PDE4D: variants seen among roughly 807,000 people sequenced by gnomAD.
The protein encoded by PDE4D is phosphodiesterase 4D.
PDE4D carries 24 observed loss-of-function variants against 87.4 expected under a neutral mutation model. That is an observed-to-expected ratio of 0.27 (90% confidence interval 0.20 to 0.39). The LOEUF (loss-of-function observed/expected upper bound fraction) is 0.39, where lower values mean the gene tolerates loss of function less well. Among genes scored for constraint, PDE4D ranks in the 10% least tolerant of loss-of-function variants. The pLI is 1.00. For synonymous variants in PDE4D, 384 were observed against 383.2 expected (o/e 1.00, Z -0.02); for missense variants, 714 against 1,041.0 (o/e 0.69, Z 4.32).
At chr5:59,428,335 T>C (rs1795619160) in intron 1 of PDE4D, among the ~76,000 whole-genome samples, 1 of 152,144 alleles carries the variant, frequency 6.6e-6, no homozygotes, top group Non-Finnish European at 1.5e-5. Context: ...TTATTTTTTG[T>C]CCCGCAATCT....
chr5:59,260,594 T>C (rs897003071), intron 1 of PDE4D, among the ~76,000 whole-genome samples: 3 of 151,856 alleles, frequency 2.0e-5, no homozygotes, highest in Admixed American at 2.0e-4. Flanking sequence ...ATTTAGACAA[T>C]TGTTTGACTA....
chr5:60,455,872 T>C (rs986995109), intron 1 of PDE4D, among the ~76,000 whole-genome samples: 2 of 152,148 alleles, frequency 1.3e-5, no homozygotes, highest in African/African-American at 4.8e-5. Flanking sequence ...TCGTAGTCAA[T>C]GTGTTGACTG....
intron 1 of PDE4D, among the ~76,000 whole-genome samples, chr5:59,238,132 C>T (rs1756879205): frequency 6.6e-6 from 1 of 152,152 alleles, no homozygotes; most frequent in East Asian, 1.9e-4. Flanking sequence ...GTTACTCACT[C>T]TCTCCATGCC....
intron 1 of PDE4D, chr5:59,216,874 C>T (rs551932358): frequency 7.4e-5 from 14 of 188,874 alleles, no homozygotes; most frequent in Non-Finnish European, 1.2e-4. Context: ...TCTACGCTCC[C>T]AAGACACTTT....
At chr5:59,767,708 G>A (rs771890668) in intron 1 of PDE4D, among the ~76,000 whole-genome samples, 3 of 152,072 alleles carry the variant, frequency 2.0e-5, no homozygotes, top group Non-Finnish European at 4.4e-5. Flanking sequence ...TCTTTCCTTT[G>A]GAAAGGCATG....
At chr5:60,213,054 A>G (rs1743432388) in intron 1 of PDE4D, among the ~76,000 whole-genome samples, 1 of 152,152 alleles carries the variant, frequency 6.6e-6, no homozygotes, top group Non-Finnish European at 1.5e-5. Context: ...CATGTCATCC[A>G]TCTTTTGTCT....
chr5:59,410,637 C>G (rs1792494495), intron 1 of PDE4D, among the ~76,000 whole-genome samples: 1 of 152,084 alleles, frequency 6.6e-6, no homozygotes, highest in Non-Finnish European at 1.5e-5. Flanking sequence ...ATAATGTCTT[C>G]CAGTTCCAAC....
At chr5:60,100,169 A>C (rs746322412) in intron 2 of PDE4D, among the ~76,000 whole-genome samples, 6 of 152,052 alleles carry the variant, frequency 3.9e-5, no homozygotes, top group Non-Finnish European at 8.8e-5. Context: ...TGAGAAAGGA[A>C]GGAAATTGAT....
chr5:60,081,425 C>A (rs566805141), intron 2 of PDE4D, among the ~76,000 whole-genome samples: 1 of 150,268 alleles, frequency 6.7e-6, no homozygotes, highest in Non-Finnish European at 1.5e-5. Flanking sequence ...TTCTTGTTTT[C>A]GGCTAGCTTT....
chr5:59,053,307 A>G (rs1761814883), intron 5 of PDE4D, among the ~76,000 whole-genome samples: 1 of 151,908 alleles, frequency 6.6e-6, no homozygotes. Flanking sequence ...TGATAAAAGA[A>G]AAACAATTGC....
At chr5:59,438,354 A>G (rs1797090369) in intron 1 of PDE4D, among the ~76,000 whole-genome samples, 1 of 152,150 alleles carries the variant, frequency 6.6e-6, no homozygotes, top group African/African-American at 2.4e-5. Flanking sequence ...TCTGAACCAC[A>G]AGATAGGAAG....
chr5:60,260,245 G>C (rs930298142), intron 1 of PDE4D, among the ~76,000 whole-genome samples: 24 of 151,804 alleles, frequency 1.6e-4, no homozygotes, highest in African/African-American at 5.1e-4. Context: ...ATAAACTGAG[G>C]CTCAGAGGCC....
intron 1 of PDE4D, among the ~76,000 whole-genome samples, chr5:60,350,208 C>A (rs915063033): frequency 1.3e-5 from 2 of 152,188 alleles, no homozygotes; most frequent in African/African-American, 4.8e-5. Flanking sequence ...GCTTTGTAAA[C>A]CATGGCTCAG....
intron 3 of PDE4D, among the ~76,000 whole-genome samples, chr5:59,920,708 T>C (rs911791499): frequency 4.6e-5 from 7 of 152,208 alleles, no homozygotes; most frequent in Admixed American, 1.3e-4. Flanking sequence ...AATAACTTTG[T>C]AGGGACACGG....
Position 59,346,047 on chromosome 5 carries a change from T to G in PDE4D, c.456-130079A>C, listed in dbSNP as rs566387554. On this transcript the variant is annotated intron_variant, in intron 1 of 14. Transcript: ENST00000340635. The stretch of plus-strand genomic sequence containing the variant: ...ATACTAACAAAATGAGAATAAAGAA[T>G]GCACAAAACACTATGAATGAATCCC... Among the ~76,000 whole-genome samples, 15 of 152,234 alleles carry G rather than the reference T, an allele frequency of 9.9e-5. No homozygotes were observed. The East Asian group carries it at 2.9e-3, about 29-fold the overall frequency.
At chr5:60,509,922 G>A (rs950096307) in intron 1 of PDE4D, among the ~76,000 whole-genome samples, 6 of 152,176 alleles carry the variant, frequency 3.9e-5, no homozygotes, top group African/African-American at 9.7e-5. Context: ...GGAATTAATC[G>A]GGTCAGGGCT....
At chr5:59,664,226 A>G (rs1745699574) in intron 1 of PDE4D, among the ~76,000 whole-genome samples, 1 of 152,176 alleles carries the variant, frequency 6.6e-6, no homozygotes, top group South Asian at 2.1e-4. Flanking sequence ...AAGATTAATA[A>G]GCTCTGTTTA....
chr5:59,329,852 T>C (rs546983834), intron 1 of PDE4D, among the ~76,000 whole-genome samples: 1 of 152,328 alleles, frequency 6.6e-6, no homozygotes, highest in South Asian at 2.1e-4. Context: ...CATTTATCTA[T>C]AGTCAAAACA....
intron 1 of PDE4D, among the ~76,000 whole-genome samples, chr5:60,248,394 A>G (rs920901377): frequency 2.0e-5 from 3 of 152,068 alleles, no homozygotes; most frequent in Admixed American, 2.0e-4. Context: ...CAAGAATGCC[A>G]TGTCAGCCAT....
Sources: allele counts gnomAD v4.1 joint callset (sites outside exome capture counted in the v4.1 genomes callset), GRCh38; gene constraint gnomAD v4.1.1; transcripts MANE v1.5; gene names NCBI Gene and HGNC (gene_info 2026-07-23, HGNC 2026-07-21).